ARHGAP31: variants seen among roughly 807,000 people sequenced by gnomAD.
The protein encoded by ARHGAP31 is rho GTPase-activating protein 31.
ARHGAP31 carries 34 observed loss-of-function variants against 113.9 expected under a neutral mutation model. The observed-to-expected ratio is 0.30, with a 90% CI of 0.23 to 0.40. ARHGAP31 has a LOEUF of 0.40. Among genes scored for constraint, ARHGAP31 ranks in the 10% least tolerant of loss-of-function variants. The pLI is 1.00. For missense variants in ARHGAP31, 1,548 were observed against 1,767.1 expected (o/e 0.88, Z 2.22); for synonymous variants, 650 against 684.8 (o/e 0.95, Z 0.79).
intron 3 of ARHGAP31, among the ~76,000 whole-genome samples, chr3:119,378,268 T>C (rs1295073067): frequency 2.0e-5 from 3 of 152,130 alleles, no homozygotes; most frequent in Admixed American, 6.5e-5. Flanking sequence ...TGGGACAACA[T>C]AGAGAAGCTC....
intron 1 of ARHGAP31, among the ~76,000 whole-genome samples, chr3:119,298,002 A>G (rs1241912441): frequency 1.3e-5 from 2 of 151,762 alleles, no homozygotes; most frequent in African/African-American, 4.8e-5. Context: ...CCCTGCTGTG[A>G]TCACCCCTCA....
chr3:119,403,176 G>A (rs116923000), intron 10 of ARHGAP31, among the ~76,000 whole-genome samples: 1 of 152,178 alleles, frequency 6.6e-6, no homozygotes, highest in South Asian at 2.1e-4. Context: ...TGTGATTTAG[G>A]AATGTTTCTT....
At chr3:119,386,992 C>T (rs145056337) in intron 6 of ARHGAP31, among the ~76,000 whole-genome samples, 360 of 152,302 alleles carry the variant, frequency 2.4e-3, no homozygotes, top group Non-Finnish European at 3.9e-3. Context: ...CACTGAAGCA[C>T]AGCATCACAG....
chr3:119,341,979 C>T (rs2080012388), intron 1 of ARHGAP31: 1 of 152,130 alleles, frequency 6.6e-6, no homozygotes, highest in Non-Finnish European at 1.5e-5. Context: ...AAGTTCTGGG[C>T]ACTCCTAAAA....
chr3:119,381,883 G>A (rs2107631169), intron 4 of ARHGAP31, among the ~76,000 whole-genome samples: 1 of 152,032 alleles, frequency 6.6e-6, no homozygotes, highest in African/African-American at 2.4e-5. Context: ...CTAGTGGGGA[G>A]GATGAGGCCA....
At chr3:119,304,859 C>T (rs1312162841) in intron 1 of ARHGAP31, among the ~76,000 whole-genome samples, 2 of 151,618 alleles carry the variant, frequency 1.3e-5, no homozygotes, top group Non-Finnish European at 2.9e-5. Flanking sequence ...GGCGCTACTG[C>T]AATCCAGCCT....
chr3:119,415,081 G>A lies in ARHGAP31; in HGVS notation c.3152G>A (p.Gly1051Glu). 1 of 1,612,986 alleles carries A rather than the reference G, an allele frequency of 6.2e-7. No individual in the cohort carries two copies. Among genetic ancestry groups the A allele is most frequent in the Non-Finnish European group, 8.5e-7 (1 of 1,178,916 alleles). Residue 1051 changes from glycine (G) to glutamate (E), a missense_variant, in exon 12 of 12, where the codon GGG (glycine) becomes GAG (glutamate). By Grantham distance (98) the Gly-to-Glu change is moderately conservative. Transcript: ENST00000264245. ...GGAAAGGAGCTAGGGACACACCTGG[G>A]GCACAGCAGTCCACAGATTAGGCAA... is the stretch of plus-strand genomic sequence containing the variant. ...AEGKELGTHLGHSSPQIRQGG... is the reference protein window; with the variant it reads ...AEGKELGTHLEHSSPQIRQGG...
At chr3:119,382,144 C>T in intron 4 of ARHGAP31, 148 bp from the exon 5 acceptor site, 1 of 875,358 alleles carries the variant, frequency 1.1e-6, no homozygotes, top group Non-Finnish European at 1.8e-6. Context: ...AAAATTACTT[C>T]TGTCAATCTT....
intron 1 of ARHGAP31, among the ~76,000 whole-genome samples, chr3:119,351,124 T>C (rs1284190363): frequency 6.6e-6 from 1 of 152,234 alleles, no homozygotes; most frequent in Non-Finnish European, 1.5e-5. Flanking sequence ...CTGGTTCATG[T>C]TGCTGTAACT....
At position 119,393,535 on chromosome 3, in the gene ARHGAP31, C is replaced by G; in HGVS notation, c.950C>G (p.Ser317Cys). ...AACCTGGGACGTTCTGGATCAGACT[C>G]CAAATCAAAACTGAGTAGAAATGGG... ...IFNLGRSGSDSKSKLSRNGSV... is the reference protein window; with the variant it reads ...IFNLGRSGSDCKSKLSRNGSV... The change falls in exon 8 of 12, where the codon TCC (serine) becomes TGC (cysteine). Residue 317 changes from serine (S) to cysteine (C), a missense_variant. Physicochemically the swap from Ser to Cys is moderately radical, Grantham distance 112. Coordinates refer to ENST00000264245, the MANE Select transcript of ARHGAP31 (RefSeq NM_020754.4). The G allele has an allele frequency of 6.2e-7, 1 of 1,614,080 alleles. No homozygotes were observed. The highest frequency in any genetic ancestry group is 1.1e-5 in the South Asian group (1 of 91,074).
rs1053362780 is a variant in ARHGAP31 at position 119,419,222 on chromosome 3, T to A, written c.*2958T>A. On this transcript the variant is annotated 3_prime_UTR_variant, in exon 12 of 12. Transcript: ENST00000264245. ...TTCTCAAGGGCTCCTTCAAATCAGC[T>A]ATCAGTCCTCAAAATGGGGGTTGCT... 2 of 152,198 alleles carry A rather than the reference T, an allele frequency of 1.3e-5. No homozygotes were observed. Among genetic ancestry groups the A allele is most frequent in the Non-Finnish European group, 2.9e-5 (2 of 68,024 alleles). The allele number at this position is 152,198 out of a possible 1,614,324, so 9.4% of individuals were successfully genotyped here. A position where few individuals can be genotyped will look rare whatever the true frequency, so the allele number is the denominator to read the frequency against.
intron 10 of ARHGAP31, 126 bp downstream of exon 10, chr3:119,402,523 A>T: frequency 1.0e-6 from 1 of 998,576 alleles, no homozygotes; most frequent in Non-Finnish European, 1.5e-6. Flanking sequence ...GATTGGGTAC[A>T]AATCCACGCT....
chr3:119,380,839 G>A, intron 3 of ARHGAP31, 65 bp from the exon 4 acceptor site: 2 of 1,377,420 alleles, frequency 1.5e-6, no homozygotes, highest in Admixed American at 1.7e-5. Flanking sequence ...AGTGATCCCA[G>A]CACATGCAGA....
intron 10 of ARHGAP31, among the ~76,000 whole-genome samples, chr3:119,405,686 C>T (rs1577032441): frequency 6.6e-6 from 1 of 152,140 alleles, no homozygotes; most frequent in East Asian, 1.9e-4. Flanking sequence ...TATTGGGCAA[C>T]GATTATCAAT....
intron 3 of ARHGAP31, among the ~76,000 whole-genome samples, chr3:119,369,772 C>T (rs2080281684): frequency 6.6e-6 from 1 of 152,062 alleles, no homozygotes; most frequent in Non-Finnish European, 1.5e-5. Flanking sequence ...CTGTTCATTT[C>T]AGTGATGGGA....
At position 119,409,608 on chromosome 3, in the gene ARHGAP31, G is replaced by C; in HGVS notation, c.1758G>C (p.Glu586Asp). The C allele has an allele frequency of 6.2e-7, 1 of 1,614,010 alleles. No homozygotes were observed. The highest frequency in any genetic ancestry group is 8.5e-7 in the Non-Finnish European group (1 of 1,179,950). ...AGGAGCCAGGCGCCCACCTGGAGGA[G>C]AAGAAAACCCCAGAAAGCTCCTTGA... ...LSQEPGAHLE[E>D]KKTPESSLSS... is the part of the protein sequence containing the mutation. The change falls in exon 11 of 12, where the codon GAG (glutamate) becomes GAC (aspartate). Residue 586 changes from glutamate (E) to aspartate (D), a missense_variant. Transcript: ENST00000264245.
Position 119,415,638 on chromosome 3 carries a change from A to C in ARHGAP31, c.3709A>C (p.Ser1237Arg). 1 of 1,614,180 alleles carries C rather than the reference A, an allele frequency of 6.2e-7. No individual in the cohort carries two copies. Among genetic ancestry groups the C allele is most frequent in the Non-Finnish European group, 8.5e-7 (1 of 1,180,024 alleles). Residue 1237 changes from serine to arginine, a missense_variant, in exon 12 of 12, where the codon AGC becomes CGC. Coordinates refer to ENST00000264245, the MANE Select transcript of ARHGAP31 (RefSeq NM_020754.4). ...QPLERSQEGP[S>R]STSGTTQKPA... The stretch of plus-strand genomic sequence containing the variant: ...TCTGGAGAGGAGCCAGGAGGGACCC[A>C]GCTCAACCAGTGGGACCACTCAGAA...
At position 119,318,686 on chromosome 3, in the gene ARHGAP31, T is replaced by C. The variant is rs555143308; in HGVS notation, c.100+23682T>C. On this transcript the variant is annotated intron_variant, in intron 1 of 11. Transcript: ENST00000264245. ...ACCTAGACTTTCTCTCTATGACAGC[T>C]AGAACTTTTTTACTCTTGAATAATT... is the stretch of plus-strand genomic sequence containing the variant. Among the ~76,000 whole-genome samples, 6 of 152,360 alleles carry C rather than the reference T, an allele frequency of 3.9e-5. No individual in the cohort carries two copies. In the South Asian group the frequency reaches 1.0e-3, roughly 26 times the overall value.
chr3:119,312,862 T>G (rs896273659), intron 1 of ARHGAP31, among the ~76,000 whole-genome samples: 2 of 152,236 alleles, frequency 1.3e-5, no homozygotes, highest in Non-Finnish European at 2.9e-5. Flanking sequence ...TAATTTTAAT[T>G]AATTTAAATG....
Sources: allele counts gnomAD v4.1 joint callset (sites outside exome capture counted in the v4.1 genomes callset), GRCh38; gene constraint gnomAD v4.1.1; transcripts MANE v1.5; gene names NCBI Gene and HGNC (gene_info 2026-07-23, HGNC 2026-07-21).